The following CMTM8 variants were observed in gnomAD, a reference collection of about 807,000 sequenced individuals.
The protein encoded by CMTM8 is CKLF-like MARVEL transmembrane domain-containing protein 8.
In CMTM8, 12 loss-of-function variants were observed where a neutral mutation model predicts 18.6. That is an observed-to-expected ratio of 0.65 (90% CI 0.41 to 1.05). CMTM8 has a LOEUF of 1.05. CMTM8 is among the 50% of genes least tolerant of loss of function. CMTM8 has a pLI of 0.00. For missense variants in CMTM8, 217 were observed against 227.2 expected (o/e 0.95, Z 0.29); for synonymous variants, 87 against 90.6 (o/e 0.96, Z 0.23).
chr3:32,321,337 G>T (rs1696046784), intron 1 of CMTM8, among the ~76,000 whole-genome samples: 1 of 152,082 alleles, frequency 6.6e-6, no homozygotes, highest in Non-Finnish European at 1.5e-5. Context: ...CATTCACCCG[G>T]GTGTGCACGT....
At chr3:32,259,820 C>T in intron 1 of CMTM8, 1 of 817,148 alleles carries the variant, frequency 1.2e-6, no homozygotes, top group Admixed American at 1.7e-5. Context: ...TGCTGAGATG[C>T]CACTCACGGA....
intron 2 of CMTM8, among the ~76,000 whole-genome samples, chr3:32,363,487 G>A (rs1417200285): frequency 1.3e-5 from 2 of 152,194 alleles, no homozygotes; most frequent in East Asian, 3.9e-4. Flanking sequence ...CCTTCCAAAG[G>A]AGGCTGGAAG....
intron 2 of CMTM8, among the ~76,000 whole-genome samples, chr3:32,363,942 C>G (rs569033291): frequency 6.6e-6 from 1 of 152,182 alleles, no homozygotes; most frequent in Non-Finnish European, 1.5e-5. Flanking sequence ...CAGCCTGTAC[C>G]TTTTCCTCAG....
chr3:32,356,948 C>A (rs1696826358), intron 1 of CMTM8, among the ~76,000 whole-genome samples: 2 of 152,176 alleles, frequency 1.3e-5, no homozygotes, highest in African/African-American at 4.8e-5. Flanking sequence ...TTTAAGAGAA[C>A]CCCCTAAAAC....
intron 2 of CMTM8, among the ~76,000 whole-genome samples, chr3:32,362,932 C>G (rs367898891): frequency 1.3e-5 from 2 of 152,228 alleles, no homozygotes; most frequent in African/African-American, 4.8e-5. Flanking sequence ...ACCAGTCAAT[C>G]CAAATGCCTT....
intron 1 of CMTM8, among the ~76,000 whole-genome samples, chr3:32,273,296 AAAAG>A (rs1400788778): frequency 6.6e-6 from 1 of 152,076 alleles, no homozygotes; most frequent in East Asian, 1.9e-4. Context: ...AGCTGGCATG[AAAAG>A]AAAGTATCCC....
chr3:32,339,963 A>C (rs1177894986), intron 1 of CMTM8, among the ~76,000 whole-genome samples: 3 of 152,208 alleles, frequency 2.0e-5, no homozygotes, highest in Admixed American at 2.0e-4. Context: ...ACTCCATCTC[A>C]AAAAATAAAT....
At chr3:32,304,213 C>T (rs879860402) in intron 1 of CMTM8, among the ~76,000 whole-genome samples, 2 of 152,178 alleles carry the variant, frequency 1.3e-5, no homozygotes, top group Non-Finnish European at 2.9e-5. Flanking sequence ...CACTTAGTTA[C>T]AGTAGCATCT....
At chr3:32,352,871 T>C (rs1184691189) in intron 1 of CMTM8, among the ~76,000 whole-genome samples, 1 of 23,698 alleles carries the variant, frequency 4.2e-5, no homozygotes, top group Non-Finnish European at 1.7e-4. Context: ...AAAACATAGG[T>C]TCTGTTTTTT....
chr3:32,250,432 G>T (rs1575145274), intron 1 of CMTM8, among the ~76,000 whole-genome samples: 2 of 152,154 alleles, frequency 1.3e-5, no homozygotes, highest in East Asian at 3.8e-4. Flanking sequence ...TGGCAGCTGG[G>T]ATTTCAGTCT....
chr3:32,354,488 C>T (rs1696774792), intron 1 of CMTM8, among the ~76,000 whole-genome samples: 1 of 152,150 alleles, frequency 6.6e-6, no homozygotes, highest in African/African-American at 2.4e-5. Context: ...TAAAAGACGA[C>T]CACAGCCAGC....
At chr3:32,270,975 A>C (rs904852133) in intron 1 of CMTM8, among the ~76,000 whole-genome samples, 7 of 152,158 alleles carry the variant, frequency 4.6e-5, no homozygotes, top group Non-Finnish European at 1.0e-4. Context: ...TACTATCCTA[A>C]CTTCTGCTAA....
intron 1 of CMTM8, among the ~76,000 whole-genome samples, chr3:32,322,425 G>A (rs1337680823): frequency 6.6e-6 from 1 of 152,244 alleles, no homozygotes; most frequent in Non-Finnish European, 1.5e-5. Context: ...AAAGGATGAA[G>A]TTGTATGACA....
intron 1 of CMTM8, among the ~76,000 whole-genome samples, chr3:32,267,952 T>A (rs1559365743): frequency 6.6e-6 from 1 of 152,176 alleles, no homozygotes. Flanking sequence ...CAACAGGTGC[T>A]GGAGAGGATG....
At chr3:32,321,178 C>CG (rs150353959) in intron 1 of CMTM8, among the ~76,000 whole-genome samples, 9,489 of 151,904 alleles carry the variant, frequency 0.062, 512 homozygotes, top group East Asian at 0.27. Flanking sequence ...GGTGAAGCGG[C>CG]GGGGGGGCCA....
chr3:32,364,024 G>A (rs904615782), intron 2 of CMTM8, among the ~76,000 whole-genome samples: 10 of 152,192 alleles, frequency 6.6e-5, no homozygotes, highest in Admixed American at 6.5e-5. Context: ...ATAGGGACTA[G>A]AGAGCCAGAA....
intron 1 of CMTM8, among the ~76,000 whole-genome samples, chr3:32,319,268 AG>A (rs1440300925): frequency 6.7e-6 from 1 of 150,264 alleles, no homozygotes; most frequent in Non-Finnish European, 1.5e-5. Flanking sequence ...TAGTAGAGAC[AG>A]GGTTTCACCA....
At chr3:32,367,827 A>C in intron 2 of CMTM8, 45 bp from the exon 3 acceptor site, 6 of 1,344,798 alleles carry the variant, frequency 4.5e-6, no homozygotes, top group Non-Finnish European at 6.4e-6. Flanking sequence ...AGAGGTATGC[A>C]GACCCTCCCC....
intron 1 of CMTM8, among the ~76,000 whole-genome samples, chr3:32,273,679 C>T (rs945613563): frequency 1.3e-5 from 2 of 152,042 alleles, no homozygotes; most frequent in Non-Finnish European, 2.9e-5. Context: ...TTAGTGCGTG[C>T]TGGGAGAGGG....
Sources: allele counts gnomAD v4.1 joint callset (sites outside exome capture counted in the v4.1 genomes callset), GRCh38; gene constraint gnomAD v4.1.1; transcripts MANE v1.5; gene names NCBI Gene and HGNC (gene_info 2026-07-23, HGNC 2026-07-21).